Variants in SUGCT observed in about 807,000 individuals in gnomAD.
SUGCT encodes succinyl-CoA:glutarate CoA-transferase.
Under a neutral mutation model 55.0 loss-of-function variants are expected in SUGCT, and 41 were observed. The observed-to-expected ratio is 0.74, with a 90% confidence interval of 0.58 to 0.97. SUGCT has a LOEUF of 0.97. SUGCT is among the 50% of genes least tolerant of loss of function. The probability of loss-of-function intolerance (pLI) is 0.00; values close to 1 mark genes in which losing one functional copy is unlikely to be tolerated. For missense variants in SUGCT, 568 were observed against 547.8 expected (o/e 1.04, Z -0.37); for synonymous variants, 187 against 200.4 (o/e 0.93, Z 0.56).
the SUGCT span, among the ~76,000 whole-genome samples, chr7:40,873,363 T>C: frequency 1.3e-5 from 2 of 152,214 alleles, no homozygotes; most frequent in East Asian, 1.9e-4. Context: ...GTTGACTCTA[T>C]AGACCTCAGC....
At chr7:40,900,455 A>G in the SUGCT span, among the ~76,000 whole-genome samples, 20 of 152,234 alleles carry the variant, frequency 1.3e-4, no homozygotes, top group African/African-American at 4.8e-4. Flanking sequence ...TAGTCATTCA[A>G]CAACTCTTAA....
At chr7:40,936,567 T>G in the SUGCT span, among the ~76,000 whole-genome samples, 1 of 152,022 alleles carries the variant, frequency 6.6e-6, no homozygotes, top group Non-Finnish European at 1.5e-5. Flanking sequence ...TTGGCTTTCT[T>G]GTTTATTAAT....
chr7:40,319,930 C>G (rs1795636852), intron 9 of SUGCT, among the ~76,000 whole-genome samples: 2 of 151,846 alleles, frequency 1.3e-5, no homozygotes, highest in South Asian at 4.2e-4. Flanking sequence ...TCAAGTGTTC[C>G]TAGTAGCTGG....
the SUGCT span, among the ~76,000 whole-genome samples, chr7:40,958,749 T>C: frequency 2.0e-5 from 3 of 151,938 alleles, no homozygotes; most frequent in Non-Finnish European, 4.4e-5. Context: ...GGCATTCTGG[T>C]TTTTGGAATT....
At chr7:40,772,547 TA>T (rs1789193445) in intron 13 of SUGCT, among the ~76,000 whole-genome samples, 3 of 148,888 alleles carry the variant, frequency 2.0e-5, no homozygotes, top group Admixed American at 6.7e-5. Context: ...TCTATCTATC[TA>T]TCTATCTATC....
chr7:40,686,301 T>G (rs1253860565), intron 12 of SUGCT, among the ~76,000 whole-genome samples: 7 of 152,196 alleles, frequency 4.6e-5, no homozygotes, highest in Non-Finnish European at 1.0e-4. Context: ...AGCAAGTTAC[T>G]TGACCTTTAT....
intron 8 of SUGCT, among the ~76,000 whole-genome samples, chr7:40,295,173 A>G (rs1183411034): frequency 1.3e-5 from 2 of 152,216 alleles, no homozygotes; most frequent in African/African-American, 4.8e-5. Context: ...AAATGCCAAA[A>G]TGATACAAAT....
At chr7:40,772,691 G>A (rs1789236442) in intron 13 of SUGCT, among the ~76,000 whole-genome samples, 1 of 151,748 alleles carries the variant, frequency 6.6e-6, no homozygotes, top group Non-Finnish European at 1.5e-5. Context: ...GTGCAGCAGT[G>A]CAATCATGGC....
intron 12 of SUGCT, among the ~76,000 whole-genome samples, chr7:40,600,812 A>G (rs900922010): frequency 6.6e-6 from 1 of 151,710 alleles, no homozygotes; most frequent in Non-Finnish European, 1.5e-5. Flanking sequence ...TGTCTGTGGC[A>G]TGAGGATGAT....
chr7:40,597,428 T>TA (rs1798069019), intron 12 of SUGCT, among the ~76,000 whole-genome samples: 1 of 152,204 alleles, frequency 6.6e-6, no homozygotes, highest in Non-Finnish European at 1.5e-5. Flanking sequence ...ATTCAATTTA[T>TA]TGTAACAAGT....
chr7:40,657,416 T>C (rs1584222020), intron 12 of SUGCT, among the ~76,000 whole-genome samples: 1 of 152,174 alleles, frequency 6.6e-6, no homozygotes, highest in East Asian at 1.9e-4. Flanking sequence ...TTATAATTAT[T>C]AGATTCTGTT....
the SUGCT span, among the ~76,000 whole-genome samples, chr7:40,932,814 G>A: frequency 6.8e-6 from 1 of 146,394 alleles, no homozygotes; most frequent in Non-Finnish European, 1.5e-5. Flanking sequence ...TTTATTTTGA[G>A]CCTATGTGTG....
At chr7:40,165,261 T>C (rs927218101) in intron 1 of SUGCT, among the ~76,000 whole-genome samples, 3 of 152,130 alleles carry the variant, frequency 2.0e-5, no homozygotes, top group East Asian at 3.8e-4. Context: ...TTAATCTCAA[T>C]AGTTGGCTAG....
the SUGCT span, among the ~76,000 whole-genome samples, chr7:41,025,895 C>T: frequency 7.2e-5 from 11 of 152,168 alleles, no homozygotes; most frequent in Non-Finnish European, 1.2e-4. Context: ...ATTAAAGACC[C>T]GTGCAGCTGA....
intron 9 of SUGCT, among the ~76,000 whole-genome samples, chr7:40,355,739 A>G (rs553080984): frequency 7.4e-4 from 112 of 152,348 alleles, no homozygotes; most frequent in African/African-American, 2.6e-3. Context: ...ATTCAGGTGT[A>G]AAATTAGTGT....
intron 9 of SUGCT, among the ~76,000 whole-genome samples, chr7:40,338,155 A>T (rs540655814): frequency 6.6e-6 from 1 of 152,142 alleles, no homozygotes; most frequent in Non-Finnish European, 1.5e-5. Context: ...TGGGTAACCC[A>T]ACCTTTCTCT....
chr7:40,528,757 T>G (rs1583904533), intron 12 of SUGCT, among the ~76,000 whole-genome samples: 1 of 152,208 alleles, frequency 6.6e-6, no homozygotes, highest in Non-Finnish European at 1.5e-5. Context: ...AATGCCAAGT[T>G]CCTACTTGTT....
chr7:40,804,516 G>C (rs1422823619), intron 13 of SUGCT, among the ~76,000 whole-genome samples: 1 of 151,758 alleles, frequency 6.6e-6, no homozygotes. Flanking sequence ...AAGTAGTGAG[G>C]TCATCTACCT....
intron 12 of SUGCT, among the ~76,000 whole-genome samples, chr7:40,535,896 A>G (rs988933308): frequency 2.0e-5 from 3 of 151,960 alleles, no homozygotes; most frequent in Admixed American, 1.3e-4. Flanking sequence ...TGTGGTTTTG[A>G]TTTGGCATTT....
Sources: gnomAD v4.1 joint callset for allele counts (sites outside exome capture counted in the v4.1 genomes callset) on GRCh38, gnomAD v4.1.1 for gene constraint, MANE v1.5 for transcripts, NCBI Gene and HGNC (gene_info 2026-07-23, HGNC 2026-07-21) for gene names.